Variants in C12orf42 observed in about 807,000 individuals in gnomAD.
C12orf42 encodes the protein uncharacterized protein C12orf42.
In C12orf42, 25 loss-of-function variants were observed where a neutral mutation model predicts 21.6. That is an observed-to-expected ratio of 1.16 (90% CI 0.84 to 1.62). The LOEUF (loss-of-function observed/expected upper bound fraction) is 1.62. C12orf42 is among the 40% of genes most tolerant of loss of function. The pLI is 0.00. For missense variants in C12orf42, 483 were observed against 459.3 expected (o/e 1.05, Z -0.47); for synonymous variants, 174 against 175.0 (o/e 0.99, Z 0.05).
the C12orf42 span, among the ~76,000 whole-genome samples, chr12:103,199,964 G>T: frequency 1.9e-3 from 282 of 152,264 alleles, 2 homozygotes; most frequent in Middle Eastern, 3.4e-3. Flanking sequence ...TATGATCCAG[G>T]AATTTCATTC....
At chr12:103,175,454 C>T in the C12orf42 span, among the ~76,000 whole-genome samples, 52 of 152,214 alleles carry the variant, frequency 3.4e-4, no homozygotes, top group South Asian at 0.01. Context: ...CAAGAGTTGG[C>T]GAGCTAGAAG....
chr12:103,343,426 G>C (rs969731094), intron 4 of C12orf42, among the ~76,000 whole-genome samples: 3 of 152,098 alleles, frequency 2.0e-5, no homozygotes, highest in African/African-American at 7.2e-5. Context: ...TCATTATGTA[G>C]TTGAATGATC....
At chr12:103,177,668 A>AG in the C12orf42 span, among the ~76,000 whole-genome samples, 1 of 152,242 alleles carries the variant, frequency 6.6e-6, no homozygotes, top group East Asian at 1.9e-4. Context: ...GACTCCTTTA[A>AG]GAAGTACAGA....
intron 3 of C12orf42, among the ~76,000 whole-genome samples, chr12:103,377,501 G>A (rs752973497): frequency 6.6e-6 from 1 of 152,004 alleles, no homozygotes; most frequent in African/African-American, 2.4e-5. Context: ...TTACCAGACC[G>A]GTAACATTCT....
chr12:103,263,597 G>T (rs911011382), downstream of C12orf42, among the ~76,000 whole-genome samples: 3 of 152,038 alleles, frequency 2.0e-5, no homozygotes, highest in Admixed American at 6.6e-5. Flanking sequence ...CATGCTCCTG[G>T]CAAGGAACTC....
At chr12:103,221,946 G>A in the C12orf42 span, among the ~76,000 whole-genome samples, 3 of 152,128 alleles carry the variant, frequency 2.0e-5, no homozygotes, top group Admixed American at 1.3e-4. Context: ...CTGCAGTAAA[G>A]GTCTACACAC....
chr12:103,472,201 C>G (rs1334152172), intron 2 of C12orf42, among the ~76,000 whole-genome samples: 1 of 151,810 alleles, frequency 6.6e-6, no homozygotes, highest in Non-Finnish European at 1.5e-5. Context: ...ACTACAGGCA[C>G]CCGCCACCAT....
the C12orf42 span, among the ~76,000 whole-genome samples, chr12:103,225,914 C>CT: frequency 2.6e-5 from 4 of 152,182 alleles, no homozygotes; most frequent in Admixed American, 2.6e-4. Context: ...GTCTAAGGGG[C>CT]TTCCTAGGCG....
chr12:103,339,587 A>G (rs961513957), intron 4 of C12orf42, among the ~76,000 whole-genome samples: 7 of 152,250 alleles, frequency 4.6e-5, no homozygotes, highest in African/African-American at 1.4e-4. Context: ...AATCATATGA[A>G]GAAAAGCTCA....
intron 2 of C12orf42, among the ~76,000 whole-genome samples, chr12:103,410,758 C>T (rs2048776940): frequency 6.6e-6 from 1 of 152,156 alleles, no homozygotes; most frequent in South Asian, 2.1e-4. Context: ...AGAGCAGTCT[C>T]ACCTTTGTCC....
chr12:103,353,482 T>C (rs1444146232), intron 4 of C12orf42, among the ~76,000 whole-genome samples: 1 of 152,134 alleles, frequency 6.6e-6, no homozygotes, highest in Non-Finnish European at 1.5e-5. Context: ...CCTCTTCTGC[T>C]TTGTGCTTGA....
At chr12:103,365,562 T>C (rs2044524855) in intron 4 of C12orf42, among the ~76,000 whole-genome samples, 1 of 152,032 alleles carries the variant, frequency 6.6e-6, no homozygotes, top group Non-Finnish European at 1.5e-5. Flanking sequence ...GATATGATTG[T>C]ATACTTAGAA....
At chr12:103,109,914 G>A in the C12orf42 span, among the ~76,000 whole-genome samples, 1 of 152,004 alleles carries the variant, frequency 6.6e-6, no homozygotes, top group Non-Finnish European at 1.5e-5. Flanking sequence ...TCACAGAGAG[G>A]GAGTCAAAAT....
At chr12:103,233,560 G>A (rs557002393), downstream of C12orf42, among the ~76,000 whole-genome samples, 2 of 152,216 alleles carry the variant, frequency 1.3e-5, no homozygotes, top group African/African-American at 4.8e-5. Flanking sequence ...TTATACTGAA[G>A]TACTTAATTT....
intron 2 of C12orf42, chr12:103,456,104 C>T (rs1400427175): frequency 6.6e-6 from 1 of 152,056 alleles, no homozygotes; most frequent in African/African-American, 2.4e-5. Context: ...TCTGCAAATA[C>T]CCCACATCTC....
At chr12:103,262,107 C>T (rs1170910796) in intron 10 of C12orf42, among the ~76,000 whole-genome samples, 1 of 152,134 alleles carries the variant, frequency 6.6e-6, no homozygotes, top group Non-Finnish European at 1.5e-5. Flanking sequence ...CTAGTCACTA[C>T]TTATCATAAT....
intron 10 of C12orf42, among the ~76,000 whole-genome samples, chr12:103,258,184 C>T (rs541341554): frequency 6.6e-6 from 1 of 152,040 alleles, no homozygotes; most frequent in East Asian, 1.9e-4. Flanking sequence ...TCCCAGTGAG[C>T]CCTTCCTGAG....
chr12:103,160,372 G>A, the C12orf42 span, among the ~76,000 whole-genome samples: 1 of 152,146 alleles, frequency 6.6e-6, no homozygotes, highest in Non-Finnish European at 1.5e-5. Context: ...CAATGTGAAA[G>A]GTTTATAGGA....
chr12:103,301,757 AG>A (rs2037663787), downstream of C12orf42, among the ~76,000 whole-genome samples: 1 of 152,226 alleles, frequency 6.6e-6, no homozygotes, highest in Non-Finnish European at 1.5e-5. Context: ...CCAAAGGCGA[AG>A]TTGGCAAGTG....
Sources: gnomAD v4.1 joint callset for allele counts (sites outside exome capture counted in the v4.1 genomes callset) on GRCh38, gnomAD v4.1.1 for gene constraint, MANE v1.5 for transcripts, NCBI Gene and HGNC (gene_info 2026-07-23, HGNC 2026-07-21) for gene names.